IL17D: variants seen among roughly 807,000 people sequenced by gnomAD.
IL17D encodes the protein interleukin 17D, also known as interleukin-17D.
IL17D carries 10 observed loss-of-function variants against 5.7 expected under a neutral mutation model. The ratio of observed to expected loss-of-function variants is 1.75; its 90% CI spans 1.08 to 2.97. The LOEUF (loss-of-function observed/expected upper bound fraction) is 2.97. Among genes scored for constraint, IL17D ranks in the 30% most tolerant of loss-of-function variants. The probability of loss-of-function intolerance (pLI) is 0.00; values close to 1 mark genes in which losing one functional copy is unlikely to be tolerated. For synonymous variants in IL17D, 172 were observed against 141.7 expected, an observed-to-expected ratio of 1.21 and a Z score of -1.52; for missense variants, 354 against 292.7, an observed-to-expected ratio of 1.21 and a Z score of -1.53.
At chr13:20,708,069 C>T (rs866438651) in intron 1 of IL17D, among the ~76,000 whole-genome samples, 6 of 152,184 alleles carry the variant, frequency 3.9e-5, no homozygotes, top group Non-Finnish European at 7.3e-5. Flanking sequence ...CATGCCACCA[C>T]GCCCAGCTAA....
At chr13:20,712,901 T>G (rs1037589892) in intron 1 of IL17D, 1 of 152,206 alleles carries the variant, frequency 6.6e-6, no homozygotes, top group African/African-American at 2.4e-5. Context: ...TTTCTTTCTC[T>G]TTTTTCTTTT....
Position 20,704,039 on chromosome 13 carries a change from G to C in IL17D, c.38G>C (p.Ser13Thr). The C allele has an allele frequency of 9.6e-7, 1 of 1,046,946 alleles. No homozygotes were observed. Among genetic ancestry groups the C allele is most frequent in the Non-Finnish European group, 1.1e-6 (1 of 874,376 alleles). The allele number at this position is 1,046,946 out of a possible 1,614,324, so 64.9% of individuals were successfully genotyped here. A position where few individuals can be genotyped will look rare whatever the true frequency, so the allele number is the denominator to read the frequency against. ...GGCTTCCTGCTGGCGCTGCCGCCGA[G>C]CTGGGCCGCGGGCGCCCCGAGGGCG... Reference protein sequence around the residue: ...VAGFLLALPPSWAAGAPRAGR... With the variant: ...VAGFLLALPPTWAAGAPRAGR... Residue 13 changes from serine to threonine, a missense_variant, in exon 1 of 2, where the codon AGC (serine) becomes ACC (threonine). Ser to Thr is a moderately conservative substitution (Grantham distance 58). Transcript: ENST00000682841.
upstream of IL17D, chr13:20,703,393 G>T (rs1045777567): frequency 2.0e-6 from 2 of 985,934 alleles, no homozygotes; most frequent in Non-Finnish European, 2.4e-6. Context: ...CTCTGTGTCC[G>T]TGAGGCCGGG....
chr13:20,712,007 G>T (rs1479471709), intron 1 of IL17D, among the ~76,000 whole-genome samples: 2 of 152,180 alleles, frequency 1.3e-5, no homozygotes, highest in African/African-American at 2.4e-5. Context: ...CATTCACTGC[G>T]ACCTGTTTCC....
At chr13:20,707,497 G>C (rs926270430) in intron 1 of IL17D, among the ~76,000 whole-genome samples, 9 of 151,054 alleles carry the variant, frequency 6.0e-5, no homozygotes, top group African/African-American at 2.2e-4. Context: ...TGGAAGTGTG[G>C]AGCCTCTACT....
In IL17D at chr13:20,721,787, G is replaced by A; in HGVS notation, c.442G>A (p.Ala148Thr). The A allele has an allele frequency of 6.2e-7, 1 of 1,609,492 alleles. No homozygotes were observed. The highest frequency in any genetic ancestry group is 8.5e-7 in the Non-Finnish European group (1 of 1,179,694). Reference protein sequence around the residue: ...MPTVVLRRTPACAGGRSVYTE... With the variant: ...MPTVVLRRTPTCAGGRSVYTE... ...CACCGTCGTCCTGCGCCGCACCCCC[G>A]CCTGCGCCGGCGGCCGTTCCGTCTA... Residue 148 changes from alanine (A) to threonine (T), a missense_variant, in exon 2 of 2, where the codon GCC becomes ACC. By Grantham distance (58) the Ala-to-Thr change is moderately conservative. Transcript: ENST00000682841.
Position 20,721,709 on chromosome 13 carries a change from G to T in IL17D, c.364G>T (p.Gly122Trp), listed in dbSNP as rs1241060020. Residue 122 changes from glycine to tryptophan, a missense_variant, in exon 2 of 2, where the codon GGG (glycine) becomes TGG (tryptophan). Gly to Trp is a radical substitution (Grantham distance 184). Transcript: ENST00000682841. The part of the protein sequence containing the change: ...AYCLCRGCLT[G>W]LFGEEDVRFR... ...CTGCCTGTGCCGGGGCTGCCTGACC[G>T]GGCTGTTCGGCGAGGAGGACGTGCG... The T allele has an allele frequency of 6.2e-7, 1 of 1,611,294 alleles. No homozygotes were observed. The highest frequency in any genetic ancestry group is 2.2e-5 in the East Asian group (1 of 44,814).
chr13:20,715,266 T>TG (rs76758323), intron 1 of IL17D, among the ~76,000 whole-genome samples: 124,847 of 151,956 alleles, frequency 0.82, 51,768 homozygotes, highest in East Asian at 1. Context: ...TCTCTGGGGG[T>TG]GGGGGGGACA....
rs916463460 is a variant in IL17D at position 20,722,936 on chromosome 13, G to A, written c.*982G>A. 1 of 152,192 alleles carries A rather than the reference G, an allele frequency of 6.6e-6. No homozygotes were observed. Among genetic ancestry groups the A allele is most frequent in the African/African-American group, 2.4e-5 (1 of 41,428 alleles). The allele number at this position is 152,192 out of a possible 1,614,324, so 9.4% of individuals were successfully genotyped here. On this transcript the variant is annotated 3_prime_UTR_variant, in exon 2 of 2. Transcript: ENST00000682841. ...TGAATATGAGGACAAAGTGGGCCAC[G>A]TTAGCATCTGCAGAGATCAATCTGG...
intron 1 of IL17D, among the ~76,000 whole-genome samples, chr13:20,709,349 A>G (rs902067545): frequency 3.9e-5 from 6 of 152,162 alleles, no homozygotes; most frequent in Admixed American, 2.0e-4. Flanking sequence ...TGATATGTGT[A>G]CAAGGATATG....
upstream of IL17D, chr13:20,703,492 G>C (rs1594994011): frequency 1.1e-6 from 1 of 923,544 alleles, no homozygotes; most frequent in Non-Finnish European, 1.3e-6. Flanking sequence ...GCGGGCCGCG[G>C]ACCCTGCGCG....
chr13:20,704,150 T>C lies in IL17D; in HGVS notation c.149T>C (p.Val50Ala). Residue 50 changes from valine to alanine, a missense_variant, in exon 1 of 2, where the codon GTG (valine) becomes GCG (alanine). Coordinates refer to ENST00000682841, the MANE Select transcript of IL17D (RefSeq NM_001385224.1). ...EQLYGRLAAG[V>A]LSAFHHTLQL... ...CTGTACGGGCGCCTGGCGGCCGGCG[T>C]GCTCAGTGCCTTCCACCACACGCTG... 7.4e-7 allele frequency: 1 copy of C among 1,354,932 alleles called. No homozygotes were observed. The highest frequency in any genetic ancestry group is 9.6e-7 in the Non-Finnish European group (1 of 1,044,646). The allele number at this position is 1,354,932 out of a possible 1,614,324, so 83.9% of individuals were successfully genotyped here. A position where few individuals can be genotyped will look rare whatever the true frequency, so the allele number is the denominator to read the frequency against.
Position 20,721,725 on chromosome 13 carries a change from A to G in IL17D, c.380A>G (p.Glu127Gly). The G allele has an allele frequency of 3.7e-6, 6 of 1,611,148 alleles. No individual in the cohort carries two copies. Among genetic ancestry groups the G allele is most frequent in the Non-Finnish European group, 5.1e-6 (6 of 1,179,430 alleles). ...TGCCTGACCGGGCTGTTCGGCGAGG[A>G]GGACGTGCGCTTCCGCAGCGCCCCT... ...RGCLTGLFGE[E>G]DVRFRSAPVY... The change falls in exon 2 of 2, where the codon GAG (glutamate) becomes GGG (glycine). Residue 127 changes from glutamate to glycine, a missense_variant. Physicochemically the swap from Glu to Gly is moderately conservative, Grantham distance 98 (BLOSUM62 -2). Coordinates refer to ENST00000682841, the MANE Select transcript of IL17D (RefSeq NM_001385224.1).
chr13:20,718,931 T>G (rs1595002669), intron 1 of IL17D, among the ~76,000 whole-genome samples: 1 of 107,926 alleles, frequency 9.3e-6, no homozygotes, highest in East Asian at 3.2e-4. Context: ...AACACACACC[T>G]GCCCACGCTC....
At chr13:20,702,407 C>G (rs1480152415), upstream of IL17D, 6 of 152,180 alleles carry the variant, frequency 3.9e-5, no homozygotes, top group African/African-American at 7.2e-5. Context: ...ACCAAAGCTG[C>G]AAACCATTTA....
chr13:20,709,102 C>T (rs950801727), intron 1 of IL17D, among the ~76,000 whole-genome samples: 2 of 150,286 alleles, frequency 1.3e-5, no homozygotes, highest in African/African-American at 4.9e-5. Flanking sequence ...TAGCATCAGG[C>T]ATCAGTGAAG....
At chr13:20,707,407 C>T (rs953632601) in intron 1 of IL17D, among the ~76,000 whole-genome samples, 6 of 140,834 alleles carry the variant, frequency 4.3e-5, no homozygotes, top group African/African-American at 1.6e-4. Flanking sequence ...TGCCTCTGCA[C>T]TCCGGCCTGG....
At chr13:20,703,371 G>A (rs753060746), upstream of IL17D, 28 of 985,886 alleles carry the variant, frequency 2.8e-5, no homozygotes, top group East Asian at 1.1e-4. Context: ...GGAGGCGAAA[G>A]GTGCAGAGTC....
At chr13:20,704,332 GA>G in intron 1 of IL17D, 41 bp downstream of exon 1, 1 of 1,044,970 alleles carries the variant, frequency 9.6e-7, no homozygotes, top group Admixed American at 5.1e-5. Context: ...GGCAGGTGGG[GA>G]GGGCAGGGCT....
Sources: gnomAD v4.1 joint callset for allele counts (sites outside exome capture counted in the v4.1 genomes callset) on GRCh38, gnomAD v4.1.1 for gene constraint, MANE v1.5 for transcripts, NCBI Gene and HGNC (gene_info 2026-07-23, HGNC 2026-07-21) for gene names.